Variants in SOX5 observed in about 807,000 individuals in gnomAD.
SOX5 encodes transcription factor SOX-5.
SOX5 carries 9 observed loss-of-function variants against 92.0 expected under a neutral mutation model. That is an observed-to-expected ratio of 0.10 (90% CI 0.06 to 0.17). SOX5 has a LOEUF of 0.17. SOX5 is among the 10% of genes least tolerant of loss of function. SOX5 has a pLI of 1.00. For synonymous variants in SOX5, 344 were observed against 336.3 expected (o/e 1.02, Z -0.25); for missense variants, 642 against 944.5 (o/e 0.68, Z 4.20).
intron 3 of SOX5, among the ~76,000 whole-genome samples, chr12:23,821,362 A>T (rs1227627423): frequency 6.6e-6 from 1 of 152,216 alleles, no homozygotes; most frequent in Non-Finnish European, 1.5e-5. Context: ...CAATCATGCA[A>T]TCTGCAAACA....
chr12:24,162,448 G>A (rs557053103), intron 4 of SOX5, among the ~76,000 whole-genome samples: 1 of 152,176 alleles, frequency 6.6e-6, no homozygotes, highest in South Asian at 2.1e-4. Context: ...AGAACTTTTG[G>A]TCCATAACTA....
At chr12:24,471,055 G>C (rs1944771741) in intron 1 of SOX5, among the ~76,000 whole-genome samples, 1 of 152,112 alleles carries the variant, frequency 6.6e-6, no homozygotes. Context: ...TCTCATTGCT[G>C]CTTTGCGGAT....
At chr12:23,869,510 C>G (rs1052438572) in intron 2 of SOX5, among the ~76,000 whole-genome samples, 1 of 152,028 alleles carries the variant, frequency 6.6e-6, no homozygotes, top group Non-Finnish European at 1.5e-5. Context: ...ACCAGCCTAC[C>G]GCCCTACTTC....
chr12:24,185,198 G>A lies in SOX5; in HGVS notation c.-2+28145C>T, dbSNP rs111346093. ...ATCCTTATTGAAAACTCTTCTGTAT[G>A]CTTACAGAGGGATCTTTACAAACTA... On this transcript the variant is annotated intron_variant, in intron 4 of 4. Transcript: ENST00000446891. Among the ~76,000 whole-genome samples, 330 of 152,146 alleles carry A rather than the reference G, an allele frequency of 2.2e-3. 2 individuals are homozygous for A. The highest frequency in any genetic ancestry group is 7.7e-3 in the African/African-American group (319 of 41,512).
intron 4 of SOX5, among the ~76,000 whole-genome samples, chr12:24,015,825 T>A (rs1953528929): frequency 1.3e-5 from 2 of 152,032 alleles, no homozygotes; most frequent in African/African-American, 4.8e-5. Flanking sequence ...ATCACATTTG[T>A]TTTCATGTGG....
intron 4 of SOX5, among the ~76,000 whole-genome samples, chr12:23,964,277 C>T (rs1280238059): frequency 6.6e-6 from 1 of 151,792 alleles, no homozygotes; most frequent in Non-Finnish European, 1.5e-5. Flanking sequence ...TTGTCTTTTC[C>T]CTGTATCTAT....
chr12:23,960,481 T>A (rs1030016113), intron 4 of SOX5, among the ~76,000 whole-genome samples: 2 of 128,100 alleles, frequency 1.6e-5, no homozygotes, highest in Admixed American at 8.2e-5. Flanking sequence ...TATATATGTT[T>A]TATATATATT....
intron 4 of SOX5, among the ~76,000 whole-genome samples, chr12:23,966,407 A>G (rs1947588577): frequency 6.6e-6 from 1 of 152,088 alleles, no homozygotes; most frequent in Non-Finnish European, 1.5e-5. Context: ...AAATGAACAC[A>G]TTAAAATTAA....
intron 2 of SOX5, among the ~76,000 whole-genome samples, chr12:24,295,696 G>T (rs1253846936): frequency 2.6e-5 from 4 of 152,080 alleles, no homozygotes. Flanking sequence ...CTCCTGATCA[G>T]CTGGGATTAC....
At chr12:23,541,430 A>G (rs1303177520) in intron 13 of SOX5, among the ~76,000 whole-genome samples, 4 of 152,196 alleles carry the variant, frequency 2.6e-5, no homozygotes, top group African/African-American at 7.2e-5. Context: ...ATGCTTACAT[A>G]AAGTATTCTT....
intron 8 of SOX5, among the ~76,000 whole-genome samples, chr12:23,608,528 G>T (rs1027354975): frequency 6.6e-6 from 1 of 152,090 alleles, no homozygotes; most frequent in Admixed American, 6.6e-5. Context: ...CCATAACCTA[G>T]ATTTTTGTCT....
chr12:23,722,359 G>A (rs1448172542), intron 6 of SOX5, among the ~76,000 whole-genome samples: 2 of 152,168 alleles, frequency 1.3e-5, no homozygotes, highest in South Asian at 2.1e-4. Context: ...GAAGGGAAGA[G>A]GGGGAGGTGA....
intron 3 of SOX5, among the ~76,000 whole-genome samples, chr12:23,840,776 T>G (rs565863636): frequency 4.6e-5 from 7 of 152,254 alleles, no homozygotes; most frequent in Admixed American, 1.3e-4. Context: ...TGGACTTCTA[T>G]ATGCAAAACA....
At chr12:24,179,201 T>C (rs1955182394) in intron 4 of SOX5, among the ~76,000 whole-genome samples, 1 of 152,190 alleles carries the variant, frequency 6.6e-6, no homozygotes, top group Non-Finnish European at 1.5e-5. Flanking sequence ...GAACAGTATC[T>C]AGAAAACCAA....
At chr12:24,097,705 T>C (rs1174924849) in intron 4 of SOX5, among the ~76,000 whole-genome samples, 1 of 152,156 alleles carries the variant, frequency 6.6e-6, no homozygotes, top group African/African-American at 2.4e-5. Context: ...ATGTATAGGA[T>C]TGGTACATAA....
intron 1 of SOX5, among the ~76,000 whole-genome samples, chr12:24,398,194 T>C (rs1960560598): frequency 1.3e-5 from 2 of 152,190 alleles, no homozygotes; most frequent in Non-Finnish European, 2.9e-5. Context: ...TTCTTTCCTC[T>C]GGAATATTTC....
At chr12:24,272,205 CTCT>C (rs1315561955) in intron 3 of SOX5, among the ~76,000 whole-genome samples, 1 of 152,096 alleles carries the variant, frequency 6.6e-6, no homozygotes, top group African/African-American at 2.4e-5. Context: ...TATTGTGCAT[CTCT>C]TATTACCAGA....
At chr12:23,614,009 C>T (rs1017170810) in intron 8 of SOX5, among the ~76,000 whole-genome samples, 7 of 152,198 alleles carry the variant, frequency 4.6e-5, no homozygotes, top group Middle Eastern at 3.4e-3. Context: ...TTTGGGCCTG[C>T]GCCTGTGTCC....
chr12:24,291,002 C>G (rs536373881), intron 2 of SOX5, among the ~76,000 whole-genome samples: 2 of 152,276 alleles, frequency 1.3e-5, no homozygotes, highest in East Asian at 3.9e-4. Context: ...TAAATTTTTA[C>G]TATTTCTTGC....
Sources: gnomAD v4.1 joint callset for allele counts (sites outside exome capture counted in the v4.1 genomes callset) on GRCh38, gnomAD v4.1.1 for gene constraint, MANE v1.5 for transcripts, NCBI Gene and HGNC (gene_info 2026-07-23, HGNC 2026-07-21) for gene names.